Variants in LARGE1 observed in about 807,000 individuals in gnomAD.
The protein encoded by LARGE1 is xylosyl- and glucuronyltransferase LARGE1.
A neutral mutation model predicts 87.6 loss-of-function variants in LARGE1; 43 were observed. That is an observed-to-expected ratio of 0.49 (90% confidence interval 0.38 to 0.63). The LOEUF (loss-of-function observed/expected upper bound fraction) is 0.63, where lower values mean the gene tolerates loss of function less well. Ranked by LOEUF, LARGE1 falls within the 30% of genes least tolerant of loss-of-function variation. The probability of loss-of-function intolerance (pLI) is 0.00; values close to 1 mark genes in which losing one functional copy is unlikely to be tolerated. For missense variants in LARGE1, 802 were observed against 1,000.2 expected, an observed-to-expected ratio of 0.80 and a Z score of 2.67; for synonymous variants, 434 against 394.6, an observed-to-expected ratio of 1.10 and a Z score of -1.18.
intron 9 of LARGE1, among the ~76,000 whole-genome samples, chr22:33,378,249 A>G (rs1281418487): frequency 6.6e-6 from 1 of 152,186 alleles, no homozygotes; most frequent in Non-Finnish European, 1.5e-5. Context: ...GCTCCCACAC[A>G]TGTAATTTCA....
intron 2 of LARGE1, among the ~76,000 whole-genome samples, chr22:33,747,290 T>G (rs1301048335): frequency 6.6e-6 from 1 of 152,124 alleles, no homozygotes; most frequent in Non-Finnish European, 1.5e-5. Context: ...GGTCCCTGCC[T>G]ACCCTTCCTG....
intron 11 of LARGE1, among the ~76,000 whole-genome samples, chr22:33,265,205 T>A (rs1927866316): frequency 6.6e-6 from 1 of 152,138 alleles, no homozygotes; most frequent in Non-Finnish European, 1.5e-5. Context: ...ATGTCTGGCC[T>A]GATCAAATTC....
At chr22:33,914,595 G>A (rs896009300) in intron 1 of LARGE1, among the ~76,000 whole-genome samples, 7 of 152,116 alleles carry the variant, frequency 4.6e-5, no homozygotes, top group African/African-American at 7.2e-5. Context: ...TATGAAAATG[G>A]CTATGACCAA....
the LARGE1 span, among the ~76,000 whole-genome samples, chr22:33,152,029 G>C: frequency 3.8e-4 from 58 of 151,252 alleles, no homozygotes; most frequent in Middle Eastern, 3.5e-3. Context: ...TCAAATGTTT[G>C]ATAAAAGTTG....
chr22:33,318,523 G>A (rs1012124753), intron 10 of LARGE1, among the ~76,000 whole-genome samples: 6 of 151,932 alleles, frequency 3.9e-5, no homozygotes, highest in Non-Finnish European at 7.4e-5. Flanking sequence ...TTGGACATTT[G>A]GCTTGGTTCC....
intron 1 of LARGE1, among the ~76,000 whole-genome samples, chr22:33,795,162 T>G (rs1192518496): frequency 2.0e-5 from 3 of 152,218 alleles, no homozygotes; most frequent in African/African-American, 7.2e-5. Flanking sequence ...AAATTAATCC[T>G]AAAACCCAAT....
the LARGE1 span, among the ~76,000 whole-genome samples, chr22:33,097,056 G>A: frequency 6.6e-6 from 1 of 152,232 alleles, no homozygotes; most frequent in East Asian, 1.9e-4. Flanking sequence ...GAAAGAGGGA[G>A]TGAGTGTTTA....
chr22:33,409,217 A>G (rs1246914578), intron 7 of LARGE1, among the ~76,000 whole-genome samples: 1 of 152,148 alleles, frequency 6.6e-6, no homozygotes, highest in Non-Finnish European at 1.5e-5. Flanking sequence ...TGCGGCAGGC[A>G]AGGGCTCAGG....
chr22:33,277,390 A>G, intron 13 of LARGE1, 135 bp from the exon 14 acceptor site: 1 of 825,992 alleles, frequency 1.2e-6, no homozygotes, highest in South Asian at 1.5e-5. Context: ...CCCAAAAGCT[A>G]TGTTGAAGTC....
At chr22:33,787,880 T>C (rs1312689962) in intron 1 of LARGE1, among the ~76,000 whole-genome samples, 1 of 152,234 alleles carries the variant, frequency 6.6e-6, no homozygotes, top group Non-Finnish European at 1.5e-5. Context: ...TTCCCTGCTA[T>C]TTATAGAGAA....
chr22:33,697,929 T>C (rs2082300126), intron 2 of LARGE1, among the ~76,000 whole-genome samples: 1 of 152,210 alleles, frequency 6.6e-6, no homozygotes, highest in African/African-American at 2.4e-5. Flanking sequence ...GCAATAAGCA[T>C]ATCTTTCTGC....
At chr22:33,738,699 G>A (rs899070681) in intron 2 of LARGE1, among the ~76,000 whole-genome samples, 1 of 152,100 alleles carries the variant, frequency 6.6e-6, no homozygotes, top group African/African-American at 2.4e-5. Context: ...TAAAAAATTA[G>A]CCAGGTGCAG....
At chr22:33,086,071 G>T in the LARGE1 span, among the ~76,000 whole-genome samples, 2 of 152,038 alleles carry the variant, frequency 1.3e-5, no homozygotes, top group Admixed American at 1.3e-4. Flanking sequence ...GTGCACATGA[G>T]GCCTTTCACA....
chr22:33,562,294 T>G (rs933675695), intron 6 of LARGE1, among the ~76,000 whole-genome samples: 1 of 152,092 alleles, frequency 6.6e-6, no homozygotes, highest in East Asian at 1.9e-4. Context: ...AAAATTAGGG[T>G]GGGCATGGGA....
At chr22:33,545,370 C>A (rs553285728) in intron 6 of LARGE1, among the ~76,000 whole-genome samples, 1 of 150,006 alleles carries the variant, frequency 6.7e-6, no homozygotes, top group Non-Finnish European at 1.5e-5. Context: ...GTGTTCAACT[C>A]AGCCTCCCAA....
intron 11 of LARGE1, among the ~76,000 whole-genome samples, chr22:33,242,369 C>T (rs1926562736): frequency 1.3e-5 from 2 of 152,088 alleles, no homozygotes; most frequent in Admixed American, 1.3e-4. Flanking sequence ...TGCACTTCCC[C>T]AAGTAGATTT....
chr22:33,513,690 T>C (rs1372430781), intron 6 of LARGE1, among the ~76,000 whole-genome samples: 2 of 151,782 alleles, frequency 1.3e-5, no homozygotes, highest in Admixed American at 1.3e-4. Flanking sequence ...GAGACAAGAG[T>C]TCATTTTTCT....
chr22:33,364,954 C>T (rs2064532719), intron 9 of LARGE1, among the ~76,000 whole-genome samples: 1 of 152,104 alleles, frequency 6.6e-6, no homozygotes, highest in Non-Finnish European at 1.5e-5. Flanking sequence ...CCTCAGCCTC[C>T]CAAAGTGCTG....
intron 4 of LARGE1, among the ~76,000 whole-genome samples, chr22:33,624,013 A>T (rs2149067328): frequency 6.6e-6 from 1 of 152,276 alleles, no homozygotes; most frequent in East Asian, 1.9e-4. Context: ...CTTGGCGACA[A>T]GAGCAAAACT....
Sources: allele counts gnomAD v4.1 joint callset (sites outside exome capture counted in the v4.1 genomes callset), GRCh38; gene constraint gnomAD v4.1.1; transcripts MANE v1.5; gene names NCBI Gene and HGNC (gene_info 2026-07-23, HGNC 2026-07-21).